ARHGAP21: variants seen among roughly 807,000 people sequenced by gnomAD.
The protein encoded by ARHGAP21 is Rho GTPase activating protein 21, also known as rho GTPase-activating protein 21.
Under a neutral mutation model 164.6 loss-of-function variants are expected in ARHGAP21, and 38 were observed. That is an observed-to-expected ratio of 0.23 (90% CI 0.18 to 0.30). The LOEUF (loss-of-function observed/expected upper bound fraction) is 0.30, where lower values mean the gene tolerates loss of function less well. Ranked by LOEUF, ARHGAP21 falls within the 10% of genes least tolerant of loss-of-function variation. The pLI, the probability that ARHGAP21 is intolerant of heterozygous loss-of-function variation, is 1.00. For synonymous variants in ARHGAP21, 766 were observed against 857.9 expected, an observed-to-expected ratio of 0.89 and a Z score of 1.87; for missense variants, 1,822 against 2,370.7, an observed-to-expected ratio of 0.77 and a Z score of 4.81.
intron 4 of ARHGAP21, among the ~76,000 whole-genome samples, chr10:24,638,518 C>A (rs7082393): frequency 0.25 from 38,723 of 152,078 alleles, 5,388 homozygotes; most frequent in East Asian, 0.31. Context: ...AAAGCCTGAT[C>A]CCGAATTGTG....
rs546871552 is a variant in ARHGAP21, at chr10:24,641,920, C to T, written c.269-6817G>A. Among the ~76,000 whole-genome samples the T allele has an allele frequency of 7.2e-4, 109 of 151,316 alleles. 1 individual carries two copies. In the South Asian group the frequency reaches 8.5e-3, roughly 12 times the overall value. On this transcript the variant is annotated intron_variant, in intron 4 of 25. Transcript: ENST00000396432. ...GCTGAGGCAGATAACTGCTTAAACA[C>T]GGGAGGTGGAGGTTGCAGTGAGCCT...
chr10:24,654,655 G>A (rs2131586281), intron 4 of ARHGAP21, among the ~76,000 whole-genome samples: 1 of 152,288 alleles, frequency 6.6e-6, no homozygotes, highest in South Asian at 2.1e-4. Context: ...CCATGCTCTT[G>A]GATAGGAAGA....
At chr10:24,655,465 T>A (rs1838717467) in intron 4 of ARHGAP21, among the ~76,000 whole-genome samples, 1 of 152,114 alleles carries the variant, frequency 6.6e-6, no homozygotes, top group African/African-American at 2.4e-5. Context: ...GCAAAAGATA[T>A]GAACAGACAC....
At position 24,633,358 on chromosome 10, in the gene ARHGAP21, T is replaced by C. The variant is rs562320833; in HGVS notation, c.440+44A>G. 4.5e-6 allele frequency: 6 copies of C among 1,321,250 alleles called. No homozygotes were observed. The South Asian group carries it at 6.1e-5, about 13-fold the overall frequency. The allele number at this position is 1,321,250 out of a possible 1,614,324, so 81.8% of individuals were successfully genotyped here. On this transcript the variant is annotated intron_variant, in intron 6 of 25. Coordinates refer to ENST00000396432, the MANE Select transcript of ARHGAP21 (RefSeq NM_020824.4). ...GTATTAAATCTATGTGCTCTATTGA[T>C]CTATAAAACCCATCTTTGGGTTTTA... is the stretch of plus-strand genomic sequence containing the variant.
chr10:24,653,862 T>C (rs1412832234), intron 4 of ARHGAP21, among the ~76,000 whole-genome samples: 1 of 152,140 alleles, frequency 6.6e-6, no homozygotes, highest in African/African-American at 2.4e-5. Context: ...AGATAAATTA[T>C]ATTTTATCAA....
chr10:24,612,696 T>C (rs1431934438), intron 9 of ARHGAP21, among the ~76,000 whole-genome samples: 2 of 151,004 alleles, frequency 1.3e-5, no homozygotes, highest in Admixed American at 6.6e-5. Flanking sequence ...CTACTAAAAA[T>C]ACAAAAAAAT....
intron 4 of ARHGAP21, among the ~76,000 whole-genome samples, chr10:24,636,563 G>T (rs1041911142): frequency 6.6e-6 from 1 of 152,170 alleles, no homozygotes; most frequent in South Asian, 2.1e-4. Context: ...ATGATTGAGT[G>T]TCAAATACAA....
chr10:24,629,839 G>A (rs1835681894), intron 7 of ARHGAP21, 157 bp downstream of exon 7: 3 of 695,766 alleles, frequency 4.3e-6, no homozygotes, highest in African/African-American at 1.8e-5. Context: ...TGGTATTTTT[G>A]TAAAATGTAG....
intron 6 of ARHGAP21, among the ~76,000 whole-genome samples, chr10:24,631,119 G>A (rs1019176898): frequency 1.3e-5 from 2 of 152,066 alleles, no homozygotes; most frequent in Non-Finnish European, 2.9e-5. Flanking sequence ...AGTGGCTTAC[G>A]TTCCCAGGCC....
chr10:24,639,916 A>G (rs574645511), intron 4 of ARHGAP21, among the ~76,000 whole-genome samples: 1 of 125,794 alleles, frequency 7.9e-6, no homozygotes, highest in Non-Finnish European at 1.6e-5. Context: ...AATATTAAGT[A>G]TACAAAAAAA....
At position 24,619,653 on chromosome 10, in the gene ARHGAP21, G is replaced by C. The variant is rs1834347488; in HGVS notation, c.2242C>G (p.Pro748Ala). 6.2e-7 allele frequency: 1 copy of C among 1,614,100 alleles called. No individual in the cohort carries two copies. The highest frequency in any genetic ancestry group is 8.5e-7 in the Non-Finnish European group (1 of 1,180,052). ...REKPPSGRQT[P>A]QPLRHQSYIL... Reference sequence around the variant, plus strand: ...TAAGACTGATGCCTTAAAGGCTGCGGTGTCTGGCGTCCAGATGGAGGTTTT... The same window carrying C: ...TAAGACTGATGCCTTAAAGGCTGCGCTGTCTGGCGTCCAGATGGAGGTTTT... Residue 748 changes from proline to alanine, a missense_variant, in exon 9 of 26, where the codon CCG becomes GCG. This residue lies in a region of ARHGAP21 where 1,090 missense variants were observed against 1,378.9 expected (regional missense o/e 0.79). Transcript: ENST00000396432.
Position 24,686,531 on chromosome 10 carries a change from C to G in ARHGAP21, c.64-16134G>C, listed in dbSNP as rs191141384. ...GAATAGTAAGTAAATTATGATACAG[C>G]TCCTAAAGTCATGACTGTGAACATT... is the stretch of plus-strand genomic sequence containing the variant. On this transcript the variant is annotated intron_variant, in intron 2 of 25. Coordinates refer to ENST00000396432, the MANE Select transcript of ARHGAP21 (RefSeq NM_020824.4). Among the ~76,000 whole-genome samples the G allele has an allele frequency of 7.0e-3, 1,061 of 152,222 alleles. 12 individuals are homozygous for G. The highest frequency in any genetic ancestry group is 0.024 in the African/African-American group (997 of 41,528).
At chr10:24,629,693 C>G in intron 7 of ARHGAP21, 1 of 336,396 alleles carries the variant, frequency 3.0e-6, no homozygotes, top group South Asian at 3.2e-5. Flanking sequence ...CTAAACTCTT[C>G]CTTTGGTCCA....
intron 9 of ARHGAP21, among the ~76,000 whole-genome samples, chr10:24,608,448 C>G (rs2077123955): frequency 6.6e-6 from 1 of 152,120 alleles, no homozygotes; most frequent in Non-Finnish European, 1.5e-5. Flanking sequence ...AATTCTTACT[C>G]TTATAAAAAC....
chr10:24,685,281 G>A lies in ARHGAP21; in HGVS notation c.64-14884C>T, dbSNP rs189380479. Reference sequence around the variant, plus strand: ...GAATACATATTCAAAAGAGTTTAGTGGCAGTCAATCATATTTAGTATAGGT... The same window carrying A: ...GAATACATATTCAAAAGAGTTTAGTAGCAGTCAATCATATTTAGTATAGGT... On this transcript the variant is annotated intron_variant, in intron 2 of 25. Coordinates refer to ENST00000396432, the MANE Select transcript of ARHGAP21 (RefSeq NM_020824.4). Among the ~76,000 whole-genome samples the A allele has an allele frequency of 5.4e-3, 820 of 152,276 alleles. 13 individuals carry two copies. Among genetic ancestry groups the A allele is most frequent in the Middle Eastern group, 0.037 (11 of 294 alleles).
At chr10:24,681,702 T>C (rs1841775798) in intron 2 of ARHGAP21, among the ~76,000 whole-genome samples, 2 of 152,192 alleles carry the variant, frequency 1.3e-5, no homozygotes, top group African/African-American at 4.8e-5. Flanking sequence ...TAAAATTTCG[T>C]TCCTTACATT....
chr10:24,701,719 C>A (rs1360762277), intron 2 of ARHGAP21, among the ~76,000 whole-genome samples: 3 of 152,130 alleles, frequency 2.0e-5, no homozygotes, highest in Non-Finnish European at 4.4e-5. Context: ...TCTCTTCAGG[C>A]CCTTGGCTTT....
chr10:24,637,323 G>C (rs1296027007), intron 4 of ARHGAP21, among the ~76,000 whole-genome samples: 2 of 152,230 alleles, frequency 1.3e-5, no homozygotes. Flanking sequence ...TTGGTGATCA[G>C]GTTAGGTCAG....
chr10:24,658,404 C>G (rs968099691), intron 4 of ARHGAP21, among the ~76,000 whole-genome samples: 5 of 152,144 alleles, frequency 3.3e-5, no homozygotes, highest in African/African-American at 1.2e-4. Context: ...GCACTATTCA[C>G]AATAGCAAAG....
Sources: gnomAD v4.1 joint callset for allele counts (sites outside exome capture counted in the v4.1 genomes callset) on GRCh38, gnomAD v4.1.1 for gene constraint, gnomAD v4.1.1 regional missense constraint, MANE v1.5 for transcripts, NCBI Gene and HGNC (gene_info 2026-07-23, HGNC 2026-07-21) for gene names.